FREM2: variants seen among roughly 807,000 people sequenced by gnomAD.
FREM2 encodes the protein FRAS1-related extracellular matrix protein 2.
In FREM2, 119 loss-of-function variants were observed where a neutral mutation model predicts 219.9. The observed-to-expected ratio is 0.54, with a 90% CI of 0.47 to 0.63. The LOEUF (loss-of-function observed/expected upper bound fraction) is 0.63. FREM2 is among the 30% of genes least tolerant of loss of function. FREM2 has a pLI of 0.00. For synonymous variants in FREM2, 1,562 were observed against 1,522.8 expected (o/e 1.03, Z -0.60); for missense variants, 4,030 against 3,993.6 (o/e 1.01, Z -0.25).
Position 38,689,885 on chromosome 13 carries a change from G to C in FREM2, c.2541G>C (p.Leu847=). ...FTIQEKGHHI[L]SETELHVNDV... ...TTCAGGAGAAGGGTCACCACATCCT[G>C]AGTGAGACAGAGTTGCACGTGAATG... Residue 847 remains leucine (L), a synonymous_variant, in exon 1 of 24, where the codon CTG becomes CTC. Coordinates refer to ENST00000280481, the MANE Select transcript of FREM2 (RefSeq NM_207361.6). 1 of 1,614,168 alleles carries C rather than the reference G, an allele frequency of 6.2e-7. No homozygotes were observed. The highest frequency in any genetic ancestry group is 8.5e-7 in the Non-Finnish European group (1 of 1,180,036).
intron 6 of FREM2, among the ~76,000 whole-genome samples, chr13:38,796,268 G>T (rs540201999): frequency 3.3e-5 from 5 of 152,224 alleles, no homozygotes; most frequent in South Asian, 2.1e-4. Context: ...TGTTGCTGTG[G>T]CTACTTCCAG....
chr13:38,748,554 G>C (rs1872575507), intron 2 of FREM2, among the ~76,000 whole-genome samples: 1 of 152,184 alleles, frequency 6.6e-6, no homozygotes, highest in Non-Finnish European at 1.5e-5. Flanking sequence ...TTAACATGAT[G>C]CCTTAAGACA....
chr13:38,772,289 CCACAGGGGAT>C (rs1873694280), intron 4 of FREM2, among the ~76,000 whole-genome samples: 1 of 152,064 alleles, frequency 6.6e-6, no homozygotes, highest in African/African-American at 2.4e-5. Flanking sequence ...CTGTCAAAGA[CCACAGGGGAT>C]GGGAAAGAGA....
At chr13:38,868,612 A>G (rs974626956) in intron 16 of FREM2, among the ~76,000 whole-genome samples, 1 of 152,222 alleles carries the variant, frequency 6.6e-6, no homozygotes, top group Non-Finnish European at 1.5e-5. Flanking sequence ...GCTGCCTGAC[A>G]GCATTCATGA....
chr13:38,782,520 C>A (rs1874157865), intron 4 of FREM2, among the ~76,000 whole-genome samples: 1 of 152,106 alleles, frequency 6.6e-6, no homozygotes, highest in South Asian at 2.1e-4. Context: ...AAATGTTGAA[C>A]AATGTATTAT....
intron 6 of FREM2, among the ~76,000 whole-genome samples, chr13:38,797,643 C>T (rs1415871259): frequency 6.6e-6 from 1 of 151,998 alleles, no homozygotes; most frequent in Non-Finnish European, 1.5e-5. Flanking sequence ...TCATTTCTCT[C>T]TCTGTGCTTT....
At position 38,691,973 on chromosome 13, in the gene FREM2, C is replaced by T. The variant is rs1344742928; in HGVS notation, c.4629C>T (p.Val1543=). 8 of 1,614,086 alleles carry T rather than the reference C, an allele frequency of 5.0e-6. No homozygotes were observed. The highest frequency in any genetic ancestry group is 6.8e-6 in the Non-Finnish European group (8 of 1,180,036). Residue 1543 remains valine (V), a synonymous_variant, in exon 1 of 24, where the codon GTC becomes GTT. Transcript: ENST00000280481. The part of the protein sequence containing the change: ...KPVVTIHKLV[V]SESENKLITP... Reference sequence around the variant, plus strand: ...TGGTCACCATCCACAAGCTGGTTGTCAGTGAAAGTGAAAACAAGCTGATTA... The same window carrying T: ...TGGTCACCATCCACAAGCTGGTTGTTAGTGAAAGTGAAAACAAGCTGATTA...
At position 38,688,505 on chromosome 13, in the gene FREM2, T is replaced by C. The variant is rs1180529467; in HGVS notation, c.1161T>C (p.Asp387=). The C allele has an allele frequency of 2.5e-6, 4 of 1,613,860 alleles. No individual in the cohort carries two copies. The highest frequency in any genetic ancestry group is 2.2e-5 in the East Asian group (1 of 44,834). ...CCCTTTCCTCCTTCACTCAGAGGGA[T>C]CTGCGGCTCCTGAAGATTGCCTACC... ...SLPLSSFTQR[D]LRLLKIAYQP... is the part of the protein sequence containing the mutation. The change falls in exon 1 of 24, where the codon GAT becomes GAC. Residue 387 remains aspartate (D), a synonymous_variant. Coordinates refer to ENST00000280481, the MANE Select transcript of FREM2 (RefSeq NM_207361.6).
chr13:38,836,552 C>T (rs1031574339), intron 6 of FREM2, among the ~76,000 whole-genome samples: 2 of 152,002 alleles, frequency 1.3e-5, no homozygotes, highest in African/African-American at 2.4e-5. Flanking sequence ...TGGTAGAATT[C>T]GGCTGTGAAT....
At chr13:38,861,288 G>T in intron 14 of FREM2, 143 bp from the exon 15 acceptor site, 1 of 777,144 alleles carries the variant, frequency 1.3e-6, no homozygotes, top group Non-Finnish European at 2.1e-6. Flanking sequence ...TCCTTATCAC[G>T]TGATGTACAC....
chr13:38,825,691 T>C (rs1333177090), intron 6 of FREM2, among the ~76,000 whole-genome samples: 1 of 152,080 alleles, frequency 6.6e-6, no homozygotes, highest in East Asian at 1.9e-4. Flanking sequence ...TAGCCTTAAA[T>C]TGGCATTTCC....
At position 38,880,514 on chromosome 13, in the gene FREM2, C is replaced by T; in HGVS notation, c.9237C>T (p.Ala3079=). 1 of 1,614,108 alleles carries T rather than the reference C, an allele frequency of 6.2e-7. No homozygotes were observed. Among genetic ancestry groups the T allele is most frequent in the Non-Finnish European group, 8.5e-7 (1 of 1,180,024 alleles). The change falls in exon 24 of 24, where the codon GCC becomes GCT. Residue 3079 remains alanine (A), a synonymous_variant. Transcript: ENST00000280481. ...GAGGAACAAACATCCAGCACATTGCCCTGGACCGCACCAAGAGGCAGATCC... is the reference window on the plus strand; with the variant it reads ...GAGGAACAAACATCCAGCACATTGCTCTGGACCGCACCAAGAGGCAGATCC... ...NSRGTNIQHI[A]LDRTKRQIPH... is the part of the protein sequence containing the mutation.
chr13:38,872,047 C>T (rs1415399032), intron 16 of FREM2, among the ~76,000 whole-genome samples: 1 of 151,944 alleles, frequency 6.6e-6, no homozygotes, highest in East Asian at 1.9e-4. Flanking sequence ...TGGAAACAAC[C>T]CAAATGGCCA....
At chr13:38,729,659 G>C (rs12585515) in intron 2 of FREM2, among the ~76,000 whole-genome samples, 17,238 of 152,084 alleles carry the variant, frequency 0.11, 1,086 homozygotes, top group East Asian at 0.17. Context: ...AACAAATACC[G>C]CATGTGTGAT....
chr13:38,835,786 C>G (rs1876683993), intron 6 of FREM2, among the ~76,000 whole-genome samples: 1 of 152,118 alleles, frequency 6.6e-6, no homozygotes, highest in Non-Finnish European at 1.5e-5. Context: ...GATTTTTGCA[C>G]ATTCTCAGTA....
intron 2 of FREM2, among the ~76,000 whole-genome samples, chr13:38,732,146 A>G (rs1871791472): frequency 6.6e-6 from 1 of 152,242 alleles, no homozygotes; most frequent in Non-Finnish European, 1.5e-5. Flanking sequence ...TCTAAGCTTC[A>G]TTAAAATACT....
At chr13:38,827,714 G>T (rs1021223355) in intron 6 of FREM2, 1 of 152,116 alleles carries the variant, frequency 6.6e-6, no homozygotes, top group African/African-American at 2.4e-5. Flanking sequence ...CACAAACTTT[G>T]CAGGACCTCA....
intron 2 of FREM2, among the ~76,000 whole-genome samples, chr13:38,738,140 AAC>A (rs1181415099): frequency 6.6e-6 from 1 of 152,170 alleles, no homozygotes; most frequent in African/African-American, 2.4e-5. Context: ...AAAGGAAGAA[AAC>A]ACTGTTTTCT....
At chr13:38,853,318 A>G (rs1023815878) in intron 11 of FREM2, among the ~76,000 whole-genome samples, 19 of 129,212 alleles carry the variant, frequency 1.5e-4, no homozygotes, top group African/African-American at 5.3e-4. Context: ...ACTCCGTCTG[A>G]AAAAAAAAAA....
Sources: allele counts gnomAD v4.1 joint callset (sites outside exome capture counted in the v4.1 genomes callset), GRCh38; gene constraint gnomAD v4.1.1; transcripts MANE v1.5; gene names NCBI Gene and HGNC (gene_info 2026-07-23, HGNC 2026-07-21).